Variants in IL22RA2 observed in about 807,000 individuals in gnomAD.
IL22RA2 encodes the protein interleukin-22 receptor subunit alpha-2.
IL22RA2 carries 39 observed loss-of-function variants against 30.7 expected under a neutral mutation model. The ratio of observed to expected loss-of-function variants is 1.27; its 90% confidence interval spans 0.98 to 1.66. The LOEUF is 1.66. IL22RA2 is among the 40% of genes most tolerant of loss of function. The probability of loss-of-function intolerance (pLI) is 0.00; values close to 1 mark genes in which losing one functional copy is unlikely to be tolerated. For missense variants in IL22RA2, 315 were observed against 312.7 expected, an observed-to-expected ratio of 1.01 and a Z score of -0.05; for synonymous variants, 103 against 105.0, an observed-to-expected ratio of 0.98 and a Z score of 0.11.
chr6:137,158,474 A>G lies in IL22RA2; in HGVS notation c.70T>C (p.Ser24Pro). The change falls in exon 3 of 7, where the codon TCA becomes CCA. Residue 24 changes from serine (S) to proline (P), a missense_variant. Physicochemically the swap from Ser to Pro is moderately conservative, Grantham distance 74 (BLOSUM62 -1). Transcript: ENST00000296980. The part of the protein sequence containing the change: ...FFLTGVAGTQ[S>P]THESLKPQRV... ...TGAGGCTTCAGAGACTCATGCGTTG[A>G]CTGAGTTCCTAAGATAATAAGAGAA... 6.2e-7 allele frequency: 1 copy of G among 1,613,996 alleles called. No individual in the cohort carries two copies. The highest frequency in any genetic ancestry group is 8.5e-7 in the Non-Finnish European group (1 of 1,179,910).
chr6:137,171,368 C>T (rs1444314231), intron 1 of IL22RA2, among the ~76,000 whole-genome samples: 1 of 152,218 alleles, frequency 6.6e-6, no homozygotes, highest in Non-Finnish European at 1.5e-5. Flanking sequence ...GTTTCAGAAG[C>T]CGGCTTGCAA....
intron 1 of IL22RA2, among the ~76,000 whole-genome samples, chr6:137,172,631 C>T (rs1778763426): frequency 6.6e-6 from 1 of 152,230 alleles, no homozygotes; most frequent in South Asian, 2.1e-4. Flanking sequence ...TGGCTTCATT[C>T]CCTGCCCTCC....
intron 5 of IL22RA2, among the ~76,000 whole-genome samples, chr6:137,151,809 C>G (rs1032756925): frequency 6.6e-6 from 1 of 152,134 alleles, no homozygotes; most frequent in African/African-American, 2.4e-5. Flanking sequence ...AGCTCAACAT[C>G]ATTAATTAGC....
intron 5 of IL22RA2, among the ~76,000 whole-genome samples, chr6:137,150,998 T>C (rs1256911397): frequency 1.3e-5 from 2 of 152,132 alleles, no homozygotes; most frequent in African/African-American, 4.8e-5. Context: ...AGTACTAAGA[T>C]ACAGAATGTG....
rs754983970 is a variant in IL22RA2, at chr6:137,155,039, G to A, written c.374C>T (p.Ser125Leu). Reference sequence around the variant, plus strand: ...CCCGTAATAAGGTTCCTGTATGTCTGAGGTTTCACTGGTAAGGTCACAAGA... The same window carrying A: ...CCCGTAATAAGGTTCCTGTATGTCTAAGGTTTCACTGGTAAGGTCACAAGA... The part of the protein sequence containing the change: ...ELSCDLTSET[S>L]DIQEPYYGRV... The change falls in exon 5 of 7, where the codon TCA becomes TTA. Residue 125 changes from serine (S) to leucine (L), a missense_variant. Transcript: ENST00000296980. 1 of 1,613,990 alleles carries A rather than the reference G, an allele frequency of 6.2e-7. No homozygotes were observed. Among genetic ancestry groups the A allele is most frequent in the Non-Finnish European group, 8.5e-7 (1 of 1,179,888 alleles).
chr6:137,147,696 A>G (rs1292135518), intron 6 of IL22RA2, 26 bp downstream of exon 6: 5 of 1,471,750 alleles, frequency 3.4e-6, no homozygotes, highest in Non-Finnish European at 4.6e-6. Flanking sequence ...AAAAAACTCT[A>G]AATATATCTA....
intron 5 of IL22RA2, 85 bp downstream of exon 5, chr6:137,154,856 G>A (rs1405247241): frequency 1.2e-5 from 14 of 1,146,536 alleles, no homozygotes; most frequent in Non-Finnish European, 1.7e-5. Flanking sequence ...CCTCAGCAAA[G>A]CACAAGGCCT....
chr6:137,153,212 A>G (rs1265951265), intron 5 of IL22RA2, among the ~76,000 whole-genome samples: 2 of 152,164 alleles, frequency 1.3e-5, no homozygotes, highest in African/African-American at 4.8e-5. Context: ...ATGACAAAGA[A>G]CTTAAGTTAA....
chr6:137,166,727 C>A (rs1020968004), intron 1 of IL22RA2, among the ~76,000 whole-genome samples: 1 of 152,200 alleles, frequency 6.6e-6, no homozygotes, highest in African/African-American at 2.4e-5. Flanking sequence ...ATCCCAGAAG[C>A]AATAGCCCCT....
Position 137,144,478 on chromosome 6 carries a change from A to G in IL22RA2, c.*1146T>C, listed in dbSNP as rs1778133488. On this transcript the variant is annotated 3_prime_UTR_variant, in exon 7 of 7. Coordinates refer to ENST00000296980, the MANE Select transcript of IL22RA2 (RefSeq NM_052962.3). ...AGAAAGACAACCTTAAACATATATG[A>G]AGACTTAGCCTCAAGTGAAGAAGGC... 6.6e-6 allele frequency: 1 copy of G among 152,250 alleles called. No homozygotes were observed. The highest frequency in any genetic ancestry group is 6.5e-5 in the Admixed American group (1 of 15,290). The allele number at this position is 152,250 out of a possible 1,614,324, so 9.4% of individuals were successfully genotyped here.
chr6:137,147,319 C>A (rs1778200607), intron 6 of IL22RA2, among the ~76,000 whole-genome samples: 1 of 147,818 alleles, frequency 6.8e-6, no homozygotes, highest in African/African-American at 2.5e-5. Flanking sequence ...CTATGATCAC[C>A]ACTGTACTCC....
intron 5 of IL22RA2, among the ~76,000 whole-genome samples, chr6:137,150,379 G>A (rs970634980): frequency 2.6e-5 from 4 of 151,814 alleles, no homozygotes; most frequent in African/African-American, 9.7e-5. Context: ...AAGAGTAGTA[G>A]CTATAGACTG....
chr6:137,170,119 A>T (rs917162157), intron 1 of IL22RA2, among the ~76,000 whole-genome samples: 1 of 152,220 alleles, frequency 6.6e-6, no homozygotes, highest in Non-Finnish European at 1.5e-5. Context: ...AGACAGACAT[A>T]CCACCATCCG....
At chr6:137,172,724 A>C (rs1314480442) in intron 1 of IL22RA2, among the ~76,000 whole-genome samples, 1 of 152,172 alleles carries the variant, frequency 6.6e-6, no homozygotes, top group Admixed American at 6.5e-5. Flanking sequence ...TTGACTCTGG[A>C]GAGAACTTGC....
At position 137,149,468 on chromosome 6, in the gene IL22RA2, A is replaced by C. The variant is rs192351188; in HGVS notation, c.473-1577T>G. ...CTAATTATGCATGCAAGAAACTTAG[A>C]GGTCATCTTTGACATGTCCTCTTCA... On this transcript the variant is annotated intron_variant, in intron 5 of 6. Coordinates refer to ENST00000296980, the MANE Select transcript of IL22RA2 (RefSeq NM_052962.3). Among the ~76,000 whole-genome samples the C allele has an allele frequency of 1.7e-3, 259 of 152,344 alleles. 1 individual carries two copies. Among genetic ancestry groups the C allele is most frequent in the African/African-American group, 5.8e-3 (240 of 41,586 alleles).
In IL22RA2 at chr6:137,157,763, A is replaced by G. The variant is rs943887444; in HGVS notation, c.197+584T>C. 2.0e-5 allele frequency among the ~76,000 whole-genome samples: 3 copies of G among 150,730 alleles called. No individual in the cohort carries two copies. The East Asian group carries it at 6.0e-4, about 30-fold the overall frequency. On this transcript the variant is annotated intron_variant, in intron 3 of 6. Transcript: ENST00000296980. ...TTTCCAAGCCTTGAGCCAGGAAAGG[A>G]GTAGATTATATCTGAGTTTTGGCAA...
At position 137,160,930 on chromosome 6, in the gene IL22RA2, A is replaced by G. The variant is rs188100504; in HGVS notation, c.61+759T>C. Among the ~76,000 whole-genome samples, 185 of 152,312 alleles carry G rather than the reference A, an allele frequency of 1.2e-3. 6 individuals carry two copies. In the South Asian group the frequency reaches 0.02, roughly 17 times the overall value. ...GAAGATGAAGGCTTGAATTGCTTTTATGTATTAGTCACTGGACAACTGCAC... is the reference window on the plus strand; with the variant it reads ...GAAGATGAAGGCTTGAATTGCTTTTGTGTATTAGTCACTGGACAACTGCAC... On this transcript the variant is annotated intron_variant, in intron 2 of 6. Transcript: ENST00000296980.
chr6:137,158,312 A>G, intron 3 of IL22RA2, 35 bp downstream of exon 3: 4 of 1,611,960 alleles, frequency 2.5e-6, no homozygotes, highest in Non-Finnish European at 3.4e-6. Context: ...TCCCAGTGCC[A>G]TCTCTATCAG....
intron 5 of IL22RA2, among the ~76,000 whole-genome samples, chr6:137,154,109 T>C (rs1351429267): frequency 2.6e-5 from 4 of 152,198 alleles, no homozygotes; most frequent in Non-Finnish European, 5.9e-5. Flanking sequence ...ATGTCTTAGA[T>C]TATATTATTC....
Sources: gnomAD v4.1 joint callset for allele counts (sites outside exome capture counted in the v4.1 genomes callset) on GRCh38, gnomAD v4.1.1 for gene constraint, MANE v1.5 for transcripts, NCBI Gene and HGNC (gene_info 2026-07-23, HGNC 2026-07-21) for gene names.